The following TULP3 variants were observed in gnomAD, a reference collection of about 807,000 sequenced individuals.
TULP3 encodes tubby-related protein 3.
TULP3 carries 38 observed loss-of-function variants against 50.7 expected under a neutral mutation model. The observed-to-expected ratio is 0.75, with a 90% CI of 0.58 to 0.98. The LOEUF (loss-of-function observed/expected upper bound fraction) is 0.98. Among genes scored for constraint, TULP3 ranks in the 50% least tolerant of loss-of-function variants. The pLI is 0.00. For synonymous variants in TULP3, 183 were observed against 196.6 expected, an observed-to-expected ratio of 0.93 and a Z score of 0.58; for missense variants, 550 against 568.0, an observed-to-expected ratio of 0.97 and a Z score of 0.32.
In TULP3 at chr12:2,893,327, G is replaced by GGT. The variant is rs1555110454; in HGVS notation, c.41+2339_41+2340insGT. Among the ~76,000 whole-genome samples the GGT allele has an allele frequency of 7.0e-5, 9 of 128,162 alleles. 1 individual carries two copies. The highest frequency in any genetic ancestry group is 2.3e-4 in the East Asian group (1 of 4,334). The allele number at this position is 128,162 out of a possible 152,430, so 84.1% of individuals were successfully genotyped here. On this transcript the variant is annotated intron_variant, in intron 1 of 10. Coordinates refer to ENST00000448120, the MANE Select transcript of TULP3 (RefSeq NM_003324.5). ...GGGCTTCAGGTTGTGTGTTTAATGT[G>GGT]TTTTTTTTTTTTTTTTTCCAAACGG...
intron 1 of TULP3, among the ~76,000 whole-genome samples, chr12:2,902,620 T>G (rs1035687786): frequency 1.3e-5 from 2 of 152,170 alleles, no homozygotes; most frequent in Non-Finnish European, 2.9e-5. Context: ...ACAGGAACAT[T>G]GAGAGTCCCG....
chr12:2,936,982 C>T lies in TULP3; in HGVS notation c.925-649C>T, dbSNP rs1443123936. ...ATAATTAGCCAGGCGTGGTGGCATGCGCCTGTAGTCCCAGGCTGAGGCACA... is the reference window on the plus strand; with the variant it reads ...ATAATTAGCCAGGCGTGGTGGCATGTGCCTGTAGTCCCAGGCTGAGGCACA... On this transcript the variant is annotated intron_variant, in intron 8 of 10. Transcript: ENST00000448120. 7.3e-5 allele frequency among the ~76,000 whole-genome samples: 11 copies of T among 150,652 alleles called. No homozygotes were observed. The South Asian group carries it at 2.1e-3, about 29-fold the overall frequency.
intron 1 of TULP3, among the ~76,000 whole-genome samples, chr12:2,893,503 TAG>T (rs2098173536): frequency 6.6e-6 from 1 of 151,946 alleles, no homozygotes; most frequent in Non-Finnish European, 1.5e-5. Context: ...ATATTTTTAG[TAG>T]AGAGGGGGTT....
At position 2,890,922 on chromosome 12, in the gene TULP3, T is replaced by G. The variant is rs1406393860; in HGVS notation, c.-26T>G. 6.3e-7 allele frequency: 1 copy of G among 1,586,044 alleles called. No individual in the cohort carries two copies. Among genetic ancestry groups the G allele is most frequent in the Non-Finnish European group, 8.6e-7 (1 of 1,166,624 alleles). On this transcript the variant is annotated 5_prime_UTR_variant, in exon 1 of 11. Coordinates refer to ENST00000448120, the MANE Select transcript of TULP3 (RefSeq NM_003324.5). ...GCGACGGCGGGGAAGAGTGTGTACGTGGTGGGGGCTTCCTCGGTGGCGGGC... is the reference window on the plus strand; with the variant it reads ...GCGACGGCGGGGAAGAGTGTGTACGGGGTGGGGGCTTCCTCGGTGGCGGGC...
In TULP3 at chr12:2,940,294, A is replaced by G. The variant is rs958197696; in HGVS notation, c.*850A>G. 1.4e-6 allele frequency: 2 copies of G among 1,443,460 alleles called. No individual in the cohort carries two copies. Among genetic ancestry groups the G allele is most frequent in the Non-Finnish European group, 1.8e-6 (2 of 1,090,786 alleles). The allele number at this position is 1,443,460 out of a possible 1,614,324, so 89.4% of individuals were successfully genotyped here. On this transcript the variant is annotated 3_prime_UTR_variant, in exon 11 of 11. Transcript: ENST00000448120. ...AAACACTTTGTCATTATCAAGAGAG[A>G]TGGCAGTATTGACCATTTAGTTTAG...
At chr12:2,899,616 G>A (rs1247849633) in intron 1 of TULP3, among the ~76,000 whole-genome samples, 7 of 152,120 alleles carry the variant, frequency 4.6e-5, no homozygotes, top group Non-Finnish European at 1.0e-4. Flanking sequence ...GGCGGGGGCC[G>A]GGCGTGGTGG....
In TULP3 at chr12:2,934,505, G is replaced by C; in HGVS notation, c.868G>C (p.Gly290Arg). ...VYDRGICPMKGRGLVGAAHTR... is the reference protein window; with the variant it reads ...VYDRGICPMKRRGLVGAAHTR... ...TGACCGTGGCATCTGCCCCATGAAG[G>C]GCCGGGGTTTGGTAGGAGCGGCCCA... Residue 290 changes from glycine to arginine, a missense_variant, in exon 8 of 11, where the codon GGC (glycine) becomes CGC (arginine). Transcript: ENST00000448120. 1.2e-6 allele frequency: 2 copies of C among 1,605,314 alleles called. No homozygotes were observed. Among genetic ancestry groups the C allele is most frequent in the Non-Finnish European group, 1.7e-6 (2 of 1,176,262 alleles).
chr12:2,909,156 C>G (rs1325504909), intron 1 of TULP3, among the ~76,000 whole-genome samples: 1 of 152,152 alleles, frequency 6.6e-6, no homozygotes, highest in African/African-American at 2.4e-5. Flanking sequence ...ATAATGGTAC[C>G]TAGTTCCTAG....
At chr12:2,910,136 A>AG (rs2098184623) in intron 2 of TULP3, among the ~76,000 whole-genome samples, 1 of 152,168 alleles carries the variant, frequency 6.6e-6, no homozygotes, top group Non-Finnish European at 1.5e-5. Context: ...ACTAAAAAAT[A>AG]CAAAAAATTA....
intron 1 of TULP3, among the ~76,000 whole-genome samples, chr12:2,894,880 G>A (rs1433676645): frequency 1.3e-5 from 2 of 151,976 alleles, no homozygotes; most frequent in African/African-American, 4.8e-5. Context: ...GGCGACAAGA[G>A]CAAAACTCCA....
At chr12:2,904,940 A>C (rs1053761373) in intron 1 of TULP3, among the ~76,000 whole-genome samples, 1 of 151,896 alleles carries the variant, frequency 6.6e-6, no homozygotes. Flanking sequence ...CCCCGTCTCC[A>C]CTAAAAATAT....
intron 1 of TULP3, among the ~76,000 whole-genome samples, chr12:2,904,633 CCT>C (rs1272924372): frequency 6.6e-6 from 1 of 152,112 alleles, no homozygotes; most frequent in Non-Finnish European, 1.5e-5. Flanking sequence ...TAGGGTTTCC[CCT>C]GTTTGTACCA....
chr12:2,933,043 T>G lies in TULP3; in HGVS notation c.697-375T>G, dbSNP rs562877871. Among the ~76,000 whole-genome samples the G allele has an allele frequency of 2.6e-5, 4 of 152,020 alleles. No individual in the cohort carries two copies. The South Asian group carries it at 6.2e-4, about 24-fold the overall frequency. On this transcript the variant is annotated intron_variant, in intron 6 of 10. Coordinates refer to ENST00000448120, the MANE Select transcript of TULP3 (RefSeq NM_003324.5). ...CTGCAAGCTCCGCCTCCTGGGTTCA[T>G]GCCATTCTCCTGCCTCAGCCTCCTG...
At chr12:2,906,356 C>T (rs902006003) in intron 1 of TULP3, among the ~76,000 whole-genome samples, 3 of 150,048 alleles carry the variant, frequency 2.0e-5, no homozygotes, top group East Asian at 2.1e-4. Flanking sequence ...GACGGAGTCC[C>T]GCTCTGTCAT....
intron 4 of TULP3, among the ~76,000 whole-genome samples, chr12:2,924,156 C>T (rs537958523): frequency 1.3e-5 from 2 of 152,262 alleles, no homozygotes; most frequent in South Asian, 4.2e-4. Flanking sequence ...AATCAAGGTG[C>T]TGAGAGAGCC....
chr12:2,905,816 G>A (rs1306712522), intron 1 of TULP3, among the ~76,000 whole-genome samples: 2 of 151,702 alleles, frequency 1.3e-5, no homozygotes, highest in African/African-American at 4.8e-5. Flanking sequence ...CCAGAACTTA[G>A]CATTTTTGAG....
chr12:2,910,331 G>A (rs368782224), intron 2 of TULP3, among the ~76,000 whole-genome samples: 91 of 152,226 alleles, frequency 6.0e-4, no homozygotes, highest in Middle Eastern at 6.8e-3. Context: ...CAGAGCTGCT[G>A]GCACATTTAG....
rs2098204398 is a variant in TULP3, at chr12:2,940,812, A to G, written c.*1368A>G. The G allele has an allele frequency of 8.0e-7, 1 of 1,256,326 alleles. No homozygotes were observed. Among genetic ancestry groups the G allele is most frequent in the Admixed American group, 2.5e-5 (1 of 40,542 alleles). The allele number at this position is 1,256,326 out of a possible 1,614,324, so 77.8% of individuals were successfully genotyped here. A position where few individuals can be genotyped will look rare whatever the true frequency, so the allele number is the denominator to read the frequency against. ...GCTGGGTGAGGACGAGACTGTTTCC[A>G]TCTCAGGCATGTATCCCACCAAGTG... is the stretch of plus-strand genomic sequence containing the variant. On this transcript the variant is annotated 3_prime_UTR_variant, in exon 11 of 11. Transcript: ENST00000448120.
chr12:2,918,027 T>C (rs2098189690), intron 2 of TULP3, among the ~76,000 whole-genome samples: 1 of 152,122 alleles, frequency 6.6e-6, no homozygotes, highest in Admixed American at 6.5e-5. Context: ...AGGCAGAGAT[T>C]GCAAGTGAGT....
Sources: gnomAD v4.1 joint callset for allele counts (sites outside exome capture counted in the v4.1 genomes callset) on GRCh38, gnomAD v4.1.1 for gene constraint, MANE v1.5 for transcripts, NCBI Gene and HGNC (gene_info 2026-07-23, HGNC 2026-07-21) for gene names.